FBXO44: variants seen among roughly 807,000 people sequenced by gnomAD.
FBXO44 encodes the protein F-box protein 44.
A neutral mutation model predicts 33.5 loss-of-function variants in FBXO44; 25 were observed. That is an observed-to-expected ratio of 0.75 (90% confidence interval 0.54 to 1.04). FBXO44 has a LOEUF of 1.04. Among genes scored for constraint, FBXO44 ranks in the 50% least tolerant of loss-of-function variants. FBXO44 has a pLI of 0.00. For synonymous variants in FBXO44, 147 were observed against 152.8 expected (o/e 0.96, Z 0.28); for missense variants, 311 against 344.0 (o/e 0.90, Z 0.76).
Position 11,658,569 on chromosome 1 carries a change from C to T in FBXO44, c.429C>T (p.Ala143=), listed in dbSNP as rs199660624. ...CLKSQVVDLK[A]EGYWEELMDT... ...AGTCCCAGGTGGTGGACCTCAAGGC[C>T]GAAGGGTATTGGGAGGAGCTGATGG... Residue 143 remains alanine (A), a synonymous_variant, in exon 4 of 6, where the codon GCC becomes GCT. Coordinates refer to ENST00000251547, the MANE Select transcript of FBXO44 (RefSeq NM_033182.7). 8.3e-5 allele frequency: 134 copies of T among 1,613,372 alleles called. 1 individual carries two copies. In the Admixed American group the frequency reaches 1.2e-3, roughly 15 times the overall value.
intron 5 of FBXO44, among the ~76,000 whole-genome samples, chr1:11,660,446 C>G (rs1018245556): frequency 8.5e-5 from 13 of 152,190 alleles, no homozygotes; most frequent in African/African-American, 3.1e-4. Context: ...AGGCATGAGC[C>G]ACCGCGCCGG....
intron 2 of FBXO44, among the ~76,000 whole-genome samples, chr1:11,657,153 G>A (rs1305273035): frequency 6.6e-6 from 1 of 152,152 alleles, no homozygotes; most frequent in African/African-American, 2.4e-5. Flanking sequence ...TCTGGCTGAG[G>A]CATTAATAAT....
At chr1:11,654,501 G>T, upstream of FBXO44, 8 of 579,636 alleles carry the variant, frequency 1.4e-5, no homozygotes, top group Non-Finnish European at 2.0e-5. Context: ...CTGGCCCCGC[G>T]CCCGGCCGCC....
intron 4 of FBXO44, 39 bp from the exon 5 acceptor site, chr1:11,658,697 A>G: frequency 8.1e-7 from 1 of 1,234,798 alleles, no homozygotes; most frequent in Non-Finnish European, 1.2e-6. Context: ...CCCTGCCCCC[A>G]ATCTCCGAGG....
rs1172548056 is a variant in FBXO44, at chr1:11,662,615, T to C, written c.*1342T>C. ...AGGCTCTGCCTCCTGGTGTTACTCT[T>C]TGCCAACAGCTTTACGGACATTGGA... On this transcript the variant is annotated 3_prime_UTR_variant, in exon 6 of 6. Transcript: ENST00000251547. 1.3e-5 allele frequency: 2 copies of C among 152,246 alleles called. No homozygotes were observed. Among genetic ancestry groups the C allele is most frequent in the African/African-American group, 4.8e-5 (2 of 41,446 alleles). The allele number at this position is 152,246 out of a possible 1,614,324, so 9.4% of individuals were successfully genotyped here.
chr1:11,661,145 T>C lies in FBXO44; in HGVS notation c.640T>C (p.Ser214Pro). 2 of 1,613,092 alleles carry C rather than the reference T, an allele frequency of 1.2e-6. No individual in the cohort carries two copies. The highest frequency in any genetic ancestry group is 1.1e-5 in the South Asian group (1 of 91,016). ...GCCCTGCCAGGTCTCCCACACATTC[T>C]CCAACTACCCGCCCGGCGTCCGCTA... ...AKWREVSHTF[S>P]NYPPGVRYIW... The change falls in exon 6 of 6, where the codon TCC becomes CCC. Residue 214 changes from serine to proline, a missense_variant. Ser to Pro is a moderately conservative substitution (Grantham distance 74). Coordinates refer to ENST00000251547, the MANE Select transcript of FBXO44 (RefSeq NM_033182.7). The surrounding 1 kb of genome is among the most constrained non-coding windows in gnomAD (Gnocchi z 4.4).
intron 1 of FBXO44, 153 bp from the exon 2 acceptor site, chr1:11,655,653 A>G: frequency 1.5e-6 from 1 of 688,812 alleles, no homozygotes; most frequent in Non-Finnish European, 2.4e-6. Flanking sequence ...TTATTAAAGT[A>G]CCTGATGTGT....
rs1274825200 is a variant in FBXO44 at position 11,658,574 on chromosome 1, G to A, written c.434G>A (p.Gly145Glu). Residue 145 changes from glycine to glutamate, a missense_variant, in exon 4 of 6, where the codon GGG becomes GAG. By Grantham distance (98) the Gly-to-Glu change is moderately conservative. Coordinates refer to ENST00000251547, the MANE Select transcript of FBXO44 (RefSeq NM_033182.7). ...KSQVVDLKAE[G>E]YWEELMDTTR... is the part of the protein sequence containing the mutation. ...CAGGTGGTGGACCTCAAGGCCGAAG[G>A]GTATTGGGAGGAGCTGATGGATACC... 2 of 1,613,576 alleles carry A rather than the reference G, an allele frequency of 1.2e-6. No homozygotes were observed. Among genetic ancestry groups the A allele is most frequent in the Non-Finnish European group, 1.7e-6 (2 of 1,180,018 alleles).
rs767233539 is a variant in FBXO44, at chr1:11,658,797, G to C, written c.550G>C (p.Ala184Pro). The C allele has an allele frequency of 6.2e-7, 1 of 1,613,846 alleles. No homozygotes were observed. The highest frequency in any genetic ancestry group is 8.5e-7 in the Non-Finnish European group (1 of 1,179,994). The change falls in exon 5 of 6, where the codon GCG becomes CCG. Residue 184 changes from alanine (A) to proline (P), a missense_variant. Transcript: ENST00000251547. ...GCTGTGCGTTCAGCTCCTGTCGTCC[G>C]CGCACGCGCCTCTGGGGACCTTCCA... ...YQLCVQLLSS[A>P]HAPLGTFQPD...
chr1:11,656,311 C>CTTTTTTTT (rs34347559), intron 2 of FBXO44, among the ~76,000 whole-genome samples: 1 of 93,874 alleles, frequency 1.1e-5, no homozygotes, highest in Non-Finnish European at 2.0e-5. Flanking sequence ...TTACTATACT[C>CTTTTTTTT]TTTTTTTTTT....
At position 11,661,255 on chromosome 1, in the gene FBXO44, C is replaced by T. The variant is rs770416012; in HGVS notation, c.750C>T (p.Ile250=). Residue 250 remains isoleucine, a synonymous_variant, in exon 6 of 6, where the codon ATC becomes ATT. Transcript: ENST00000251547. This position sits in a 1 kb window ranked among gnomAD's most constrained non-coding sequence, Gnocchi z 4.4. ...GGGTCACCAACAGCAGCATCACCATCGGGCCCCCGCTGCCCTGACACCCCC... is the reference window on the plus strand; with the variant it reads ...GGGTCACCAACAGCAGCATCACCATTGGGCCCCCGCTGCCCTGACACCCCC... ...GPRVTNSSIT[I]GPPLP 5.6e-6 allele frequency: 9 copies of T among 1,614,156 alleles called. No individual in the cohort carries two copies. The highest frequency in any genetic ancestry group is 2.2e-5 in the South Asian group (2 of 91,078).
chr1:11,658,604 G>T lies in FBXO44; in HGVS notation c.464G>T (p.Arg155Leu). 6.2e-7 allele frequency: 1 copy of T among 1,613,560 alleles called. No homozygotes were observed. Among genetic ancestry groups the T allele is most frequent in the Non-Finnish European group, 8.5e-7 (1 of 1,179,998 alleles). The change falls in exon 4 of 6, where the codon CGG becomes CTG. Residue 155 changes from arginine to leucine, a missense_variant. Transcript: ENST00000251547. ...GYWEELMDTTRPDIEVKDWFA... is the reference protein window; with the variant it reads ...GYWEELMDTTLPDIEVKDWFA... ...TGGGAGGAGCTGATGGATACCACAC[G>T]GCCGGACATCGAGGTCAAGGACTGG...
intron 3 of FBXO44, 27 bp from the exon 4 acceptor site, chr1:11,658,506 C>T: frequency 1.2e-6 from 2 of 1,608,524 alleles, no homozygotes; most frequent in Non-Finnish European, 1.7e-6. Context: ...TGAGCCCAGC[C>T]CCTCCCACCC....
rs754420840 is a variant in FBXO44, at chr1:11,658,600, A to C, written c.460A>C (p.Thr154Pro). ...EGYWEELMDT[T>P]RPDIEVKDWF... is the part of the protein sequence containing the mutation. ...GTATTGGGAGGAGCTGATGGATACC[A>C]CACGGCCGGACATCGAGGTCAAGGA... is the stretch of plus-strand genomic sequence containing the variant. Residue 154 changes from threonine (T) to proline (P), a missense_variant, in exon 4 of 6, where the codon ACA (threonine) becomes CCA (proline). By Grantham distance (38) the Thr-to-Pro change is conservative (BLOSUM62 -1). Transcript: ENST00000251547. 6.2e-7 allele frequency: 1 copy of C among 1,613,464 alleles called. No individual in the cohort carries two copies. The highest frequency in any genetic ancestry group is 8.5e-7 in the Non-Finnish European group (1 of 1,179,932).
chr1:11,655,775 G>A, intron 1 of FBXO44, 31 bp from the exon 2 acceptor site: 1 of 1,591,884 alleles, frequency 6.3e-7, no homozygotes, highest in South Asian at 1.1e-5. Context: ...GGCAGAGCAG[G>A]GATGAGGCCT....
chr1:11,658,967 C>T, intron 5 of FBXO44, 96 bp downstream of exon 5: 1 of 1,451,584 alleles, frequency 6.9e-7, no homozygotes, highest in Non-Finnish European at 9.3e-7. Context: ...TCTGCACCTT[C>T]TCACCTGTGC....
At chr1:11,658,907 C>A (rs1174152611) in intron 5 of FBXO44, 36 bp downstream of exon 5, 1 of 1,599,198 alleles carries the variant, frequency 6.3e-7, no homozygotes, top group Non-Finnish European at 8.5e-7. Context: ...AGAGGCAGAT[C>A]GTCCAAGGCT....
rs185965034 is a variant in FBXO44 at position 11,659,113 on chromosome 1, C to T, written c.624+242C>T. 4.9e-4 allele frequency among the ~76,000 whole-genome samples: 75 copies of T among 152,328 alleles called. No individual in the cohort carries two copies. The East Asian group carries it at 0.012, about 23-fold the overall frequency. ...AAAATATTCCAAAAGGTTGGCAGGG[C>T]GTAGTGGCTCACACCTGTAATCCCA... On this transcript the variant is annotated intron_variant, in intron 5 of 5. Coordinates refer to ENST00000251547, the MANE Select transcript of FBXO44 (RefSeq NM_033182.7).
intron 2 of FBXO44, among the ~76,000 whole-genome samples, chr1:11,656,309 CTCT>C (rs1639794292): frequency 1.5e-5 from 2 of 136,648 alleles, no homozygotes; most frequent in African/African-American, 5.5e-5. Flanking sequence ...TCTTACTATA[CTCT>C]TTTTTTTTTT....
Sources: gnomAD v4.1 joint callset for allele counts (sites outside exome capture counted in the v4.1 genomes callset) on GRCh38, gnomAD v4.1.1 for gene constraint, Gnocchi (gnomAD v3.1) non-coding constraint, MANE v1.5 for transcripts, NCBI Gene and HGNC (gene_info 2026-07-23, HGNC 2026-07-21) for gene names.